The following LTBP1 variants were observed in gnomAD, a reference collection of about 807,000 sequenced individuals.
LTBP1 encodes the protein latent transforming growth factor beta binding protein 1, also known as latent-transforming growth factor beta-binding protein 1.
Under a neutral mutation model 207.6 loss-of-function variants are expected in LTBP1, and 129 were observed. The observed-to-expected ratio is 0.62, with a 90% CI of 0.54 to 0.72. LTBP1 has a LOEUF of 0.72. LTBP1 is among the 30% of genes least tolerant of loss of function. LTBP1 has a pLI of 0.00. For synonymous variants in LTBP1, 963 were observed against 833.7 expected (o/e 1.16, Z -2.67); for missense variants, 2,281 against 2,217.2 (o/e 1.03, Z -0.58).
intron 26 of LTBP1, among the ~76,000 whole-genome samples, chr2:33,350,483 G>C (rs2149813964): frequency 6.6e-6 from 1 of 152,308 alleles, no homozygotes. Context: ...GATACCCACT[G>C]GCAGAAGAGC....
intron 3 of LTBP1, among the ~76,000 whole-genome samples, chr2:33,058,074 A>G (rs557095489): frequency 3.3e-5 from 5 of 152,338 alleles, no homozygotes; most frequent in South Asian, 4.1e-4. Context: ...TTGGTTTCCA[A>G]TTACTTTGGC....
intron 5 of LTBP1, among the ~76,000 whole-genome samples, chr2:33,154,869 C>T (rs137926788): frequency 5.9e-4 from 90 of 152,172 alleles, no homozygotes; most frequent in African/African-American, 2.0e-3. Context: ...TCGAAACTAG[C>T]CTGACCAACA....
At chr2:33,322,265 G>A (rs1448308932) in intron 24 of LTBP1, among the ~76,000 whole-genome samples, 3 of 152,134 alleles carry the variant, frequency 2.0e-5, no homozygotes, top group Non-Finnish European at 4.4e-5. Flanking sequence ...AGTGAAGTCT[G>A]TGACTAGGCT....
At chr2:33,131,349 G>A (rs574202892) in intron 4 of LTBP1, among the ~76,000 whole-genome samples, 35 of 152,168 alleles carry the variant, frequency 2.3e-4, no homozygotes, top group Non-Finnish European at 4.9e-4. Flanking sequence ...TGCCTTCAGC[G>A]TGTCACATGT....
chr2:33,067,021 A>T (rs1344454971), intron 3 of LTBP1, among the ~76,000 whole-genome samples: 4 of 152,022 alleles, frequency 2.6e-5, no homozygotes, highest in African/African-American at 4.8e-5. Context: ...AAAACAATTT[A>T]AAAAAAGCCA....
chr2:33,191,768 G>A (rs745717423), intron 7 of LTBP1, among the ~76,000 whole-genome samples: 1 of 152,210 alleles, frequency 6.6e-6, no homozygotes, highest in Non-Finnish European at 1.5e-5. Context: ...GCTTTGCTCA[G>A]TGGAGCCGTC....
intron 7 of LTBP1, among the ~76,000 whole-genome samples, chr2:33,210,232 G>T (rs1000821793): frequency 4.6e-5 from 7 of 152,130 alleles, no homozygotes; most frequent in Non-Finnish European, 1.0e-4. Context: ...GATATTATTC[G>T]TGCTGAACTT....
At chr2:33,279,048 T>C (rs1232363510) in intron 18 of LTBP1, among the ~76,000 whole-genome samples, 1 of 152,222 alleles carries the variant, frequency 6.6e-6, no homozygotes, top group Non-Finnish European at 1.5e-5. Flanking sequence ...ATATATTTCT[T>C]TCTTTTTTTG....
At chr2:33,387,322 GT>G (rs1468701520) in intron 31 of LTBP1, among the ~76,000 whole-genome samples, 2 of 152,316 alleles carry the variant, frequency 1.3e-5, no homozygotes, top group Non-Finnish European at 2.9e-5. Context: ...TTAATTCTGC[GT>G]TTTCAAACTT....
At chr2:33,217,923 G>A (rs186664201) in intron 8 of LTBP1, among the ~76,000 whole-genome samples, 1 of 152,238 alleles carries the variant, frequency 6.6e-6, no homozygotes, top group Admixed American at 6.5e-5. Flanking sequence ...GAGTTAAAAT[G>A]GACTTTTTGT....
intron 3 of LTBP1, among the ~76,000 whole-genome samples, chr2:33,077,795 G>GA (rs2078168037): frequency 6.6e-6 from 1 of 152,094 alleles, no homozygotes; most frequent in Non-Finnish European, 1.5e-5. Context: ...TATTGTTAAA[G>GA]AAAAATCCTG....
intron 5 of LTBP1, among the ~76,000 whole-genome samples, chr2:33,151,575 A>G (rs982433194): frequency 6.6e-6 from 1 of 151,986 alleles, no homozygotes; most frequent in African/African-American, 2.4e-5. Context: ...CGAGCAGCAT[A>G]TTCTGTACCC....
At chr2:33,168,828 T>C (rs555223326) in intron 5 of LTBP1, among the ~76,000 whole-genome samples, 85 of 152,332 alleles carry the variant, frequency 5.6e-4, no homozygotes, top group Middle Eastern at 6.8e-3. Context: ...GGATGGTTAA[T>C]TTCCAACTCA....
intron 24 of LTBP1, among the ~76,000 whole-genome samples, chr2:33,325,139 A>G (rs10208199): frequency 0.55 from 83,478 of 151,998 alleles, 23,623 homozygotes; most frequent in African/African-American, 0.67. Context: ...ATTCACCCAC[A>G]AAGTAGTTCC....
chr2:33,118,780 G>A (rs1279022504), intron 4 of LTBP1, among the ~76,000 whole-genome samples: 1 of 152,136 alleles, frequency 6.6e-6, no homozygotes, highest in African/African-American at 2.4e-5. Flanking sequence ...CTGGGTTAGG[G>A]CGTGGAGGGG....
At position 33,342,717 on chromosome 2, in the gene LTBP1, A is replaced by G. The variant is rs1200217789; in HGVS notation, c.3731-121A>G. 70 of 865,640 alleles carry G rather than the reference A, an allele frequency of 8.1e-5. 1 individual carries two copies. The highest frequency in any genetic ancestry group is 1.9e-5 in the Non-Finnish European group (11 of 586,746). The allele number at this position is 865,640 out of a possible 1,614,324, so 53.6% of individuals were successfully genotyped here. A position where few individuals can be genotyped will look rare whatever the true frequency, so the allele number is the denominator to read the frequency against. ...TTTAAAAGCTGTTTTCTGTGTAAACATGTTCATCTCATCATCACACACTAA... is the reference window on the plus strand; with the variant it reads ...TTTAAAAGCTGTTTTCTGTGTAAACGTGTTCATCTCATCATCACACACTAA... On this transcript the variant is annotated intron_variant, in intron 24 of 33. Coordinates refer to ENST00000404816, the MANE Select transcript of LTBP1 (RefSeq NM_206943.4).
chr2:33,018,737 CT>C, intron 2 of LTBP1, among the ~76,000 whole-genome samples: 1 of 152,176 alleles, frequency 6.6e-6, no homozygotes, highest in African/African-American at 2.4e-5. Flanking sequence ...TGGGAACAGC[CT>C]TTATTCTCAT....
At chr2:32,978,031 T>C (rs1487064735) in intron 2 of LTBP1, among the ~76,000 whole-genome samples, 1 of 152,238 alleles carries the variant, frequency 6.6e-6, no homozygotes, top group Non-Finnish European at 1.5e-5. Flanking sequence ...TATTAGCATA[T>C]AGAAATGTTA....
intron 31 of LTBP1, among the ~76,000 whole-genome samples, chr2:33,367,453 A>G (rs2095004711): frequency 6.6e-6 from 1 of 152,178 alleles, no homozygotes; most frequent in African/African-American, 2.4e-5. Flanking sequence ...ACCCTTAACA[A>G]TAGCGAACAC....
Sources: gnomAD v4.1 joint callset for allele counts (sites outside exome capture counted in the v4.1 genomes callset) on GRCh38, gnomAD v4.1.1 for gene constraint, MANE v1.5 for transcripts, NCBI Gene and HGNC (gene_info 2026-07-23, HGNC 2026-07-21) for gene names.